RCOR3: variants seen among roughly 807,000 people sequenced by gnomAD.
RCOR3 encodes the protein REST corepressor 3.
A neutral mutation model predicts 64.1 loss-of-function variants in RCOR3; 13 were observed. The observed-to-expected ratio is 0.20, with a 90% CI of 0.13 to 0.32. The LOEUF (loss-of-function observed/expected upper bound fraction) is 0.32. RCOR3 is among the 10% of genes least tolerant of loss of function. The pLI is 1.00. For synonymous variants in RCOR3, 215 were observed against 239.0 expected (o/e 0.90, Z 0.93); for missense variants, 489 against 701.2 (o/e 0.70, Z 3.42).
In RCOR3 at chr1:211,259,439, C is replaced by G; in HGVS notation, c.-122C>G. 3 of 1,023,938 alleles carry G rather than the reference C, an allele frequency of 2.9e-6. No homozygotes were observed. Among genetic ancestry groups the G allele is most frequent in the Non-Finnish European group, 4.2e-6 (3 of 716,846 alleles). The allele number at this position is 1,023,938 out of a possible 1,614,324, so 63.4% of individuals were successfully genotyped here. A position where few individuals can be genotyped will look rare whatever the true frequency, so the allele number is the denominator to read the frequency against. ...GCTCCATATTAACAGCCTCCTCCTC[C>G]TCCGCCGCCGCCGCCGTCTCCTCCT... On this transcript the variant is annotated 5_prime_UTR_variant, in exon 1 of 12. Coordinates refer to ENST00000419091, the MANE Select transcript of RCOR3 (RefSeq NM_001136223.3).
chr1:211,260,037 A>G (rs1236296406), intron 1 of RCOR3, 71 bp from the exon 2 acceptor site: 22 of 1,457,280 alleles, frequency 1.5e-5, no homozygotes, highest in African/African-American at 4.5e-5. Context: ...TTATTTTTTA[A>G]GTGTCTCTTC....
At chr1:211,289,131 C>A (rs1207929411) in intron 7 of RCOR3, 47 bp from the exon 8 acceptor site, 2 of 1,402,516 alleles carry the variant, frequency 1.4e-6, no homozygotes, top group East Asian at 2.3e-5. Context: ...TCACTTTATA[C>A]ATTTGTGAAA....
At chr1:211,304,024 C>T (rs1700631512) in intron 9 of RCOR3, 59 bp from the exon 10 acceptor site, 7 of 1,192,156 alleles carry the variant, frequency 5.9e-6, no homozygotes, top group East Asian at 2.4e-5. Flanking sequence ...AAAAAATAAG[C>T]GCTTTGGAAA....
At position 211,259,610 on chromosome 1, in the gene RCOR3, C is replaced by T. The variant is rs1272453123; in HGVS notation, c.50C>T (p.Ser17Leu). Reference protein sequence around the residue: ...KGPELLGKNRSANGSAKSPAG... With the variant: ...KGPELLGKNRLANGSAKSPAG... Reference sequence around the variant, plus strand: ...CCCGAGTTACTGGGGAAGAACCGATCGGCCAACGGCAGCGCCAAGAGCCCG... The same window carrying T: ...CCCGAGTTACTGGGGAAGAACCGATTGGCCAACGGCAGCGCCAAGAGCCCG... The change falls in exon 1 of 12, where the codon TCG (serine) becomes TTG (leucine). Residue 17 changes from serine (S) to leucine (L), a missense_variant. Coordinates refer to ENST00000419091, the MANE Select transcript of RCOR3 (RefSeq NM_001136223.3). 1.3e-6 allele frequency: 2 copies of T among 1,548,504 alleles called. No homozygotes were observed. The highest frequency in any genetic ancestry group is 8.7e-7 in the Non-Finnish European group (1 of 1,146,108).
chr1:211,295,358 A>C (rs964608596), intron 8 of RCOR3, among the ~76,000 whole-genome samples: 1 of 152,212 alleles, frequency 6.6e-6, no homozygotes, highest in Non-Finnish European at 1.5e-5. Context: ...TCAAAACACT[A>C]TGGTAATGAG....
At chr1:211,265,538 C>G (rs1695047790) in intron 2 of RCOR3, among the ~76,000 whole-genome samples, 1 of 151,986 alleles carries the variant, frequency 6.6e-6, no homozygotes, top group South Asian at 2.1e-4. Context: ...GCCAACATGG[C>G]AAAACCCCAT....
At chr1:211,299,986 C>T (rs1311091848) in intron 9 of RCOR3, among the ~76,000 whole-genome samples, 1 of 151,754 alleles carries the variant, frequency 6.6e-6, no homozygotes, top group African/African-American at 2.4e-5. Flanking sequence ...TTCACTCTTC[C>T]CCCTCTTCTG....
Position 211,259,644 on chromosome 1 carries a change from C to A in RCOR3, c.84C>A (p.Gly28=). 1 of 1,547,112 alleles carries A rather than the reference C, an allele frequency of 6.5e-7. No individual in the cohort carries two copies. The highest frequency in any genetic ancestry group is 8.7e-7 in the Non-Finnish European group (1 of 1,145,382). Residue 28 remains glycine, a synonymous_variant, in exon 1 of 12, where the codon GGC becomes GGA. Coordinates refer to ENST00000419091, the MANE Select transcript of RCOR3 (RefSeq NM_001136223.3). Reference sequence around the variant, plus strand: ...GCAGCGCCAAGAGCCCGGCAGGCGGCGGCGGCAGCGGCGCCTCGTCCACCA... The same window carrying A: ...GCAGCGCCAAGAGCCCGGCAGGCGGAGGCGGCAGCGGCGCCTCGTCCACCA... The part of the protein sequence containing the change: ...ANGSAKSPAG[G]GGSGASSTNG...
At chr1:211,298,542 A>C (rs990206678) in intron 9 of RCOR3, among the ~76,000 whole-genome samples, 1 of 152,224 alleles carries the variant, frequency 6.6e-6, no homozygotes, top group Non-Finnish European at 1.5e-5. Flanking sequence ...TGAGGATTCC[A>C]TGGAAATGTA....
At chr1:211,278,039 A>G in intron 5 of RCOR3, 78 bp from the exon 6 acceptor site, 2 of 1,305,366 alleles carry the variant, frequency 1.5e-6, no homozygotes, top group Non-Finnish European at 2.1e-6. Context: ...TGCCTTTACT[A>G]AATAGTAAAG....
intron 2 of RCOR3, among the ~76,000 whole-genome samples, chr1:211,268,336 T>C (rs1695543883): frequency 6.6e-6 from 1 of 151,662 alleles, no homozygotes; most frequent in Admixed American, 6.6e-5. Context: ...AATATTGAAG[T>C]TTTAAAAAGA....
intron 2 of RCOR3, among the ~76,000 whole-genome samples, chr1:211,263,636 A>G (rs1439918697): frequency 1.3e-5 from 2 of 152,284 alleles, no homozygotes; most frequent in Non-Finnish European, 2.9e-5. Flanking sequence ...GTAGATTATT[A>G]GTTATTGGGC....
chr1:211,268,448 C>T (rs1695599429), intron 2 of RCOR3, among the ~76,000 whole-genome samples: 1 of 132,596 alleles, frequency 7.5e-6, no homozygotes, highest in African/African-American at 2.8e-5. Flanking sequence ...GGTGTGATCT[C>T]GGCTCACCGC....
At position 211,260,190 on chromosome 1, in the gene RCOR3, CTCATATCCCCT is replaced by C. The variant is rs766236446; in HGVS notation, c.223+28_223+38del. ...GTAGATATATTTGCTTAAGCAAAATCTCATATCCCCTTTCCTGGGCTTGGTTTGGGGTGGAC... is the reference window on the plus strand; with the variant it reads ...GTAGATATATTTGCTTAAGCAAAATCTTCCTGGGCTTGGTTTGGGGTGGAC... On this transcript the variant is annotated intron_variant, in intron 2 of 11. Transcript: ENST00000419091. The C allele has an allele frequency of 1.4e-5, 23 of 1,603,582 alleles. No homozygotes were observed. In the African/African-American group the frequency reaches 2.9e-4, roughly 21 times the overall value.
chr1:211,266,369 A>G (rs987834687), intron 2 of RCOR3, among the ~76,000 whole-genome samples: 1 of 152,110 alleles, frequency 6.6e-6, no homozygotes, highest in African/African-American at 2.4e-5. Context: ...TTATCGAATT[A>G]TATTTTCCTT....
chr1:211,299,676 G>A (rs745823697), intron 9 of RCOR3, among the ~76,000 whole-genome samples: 8 of 152,240 alleles, frequency 5.3e-5, no homozygotes, highest in South Asian at 4.1e-4. Context: ...TTCACTAAGC[G>A]TGTCATAGAT....
In RCOR3 at chr1:211,273,946, C is replaced by A. The variant is rs372149596; in HGVS notation, c.302-264C>A. 5.1e-4 allele frequency among the ~76,000 whole-genome samples: 78 copies of A among 152,146 alleles called. No individual in the cohort carries two copies. The East Asian group carries it at 0.012, about 23-fold the overall frequency. On this transcript the variant is annotated intron_variant, in intron 3 of 11. Coordinates refer to ENST00000419091, the MANE Select transcript of RCOR3 (RefSeq NM_001136223.3). ...CCATAGATTGGTCTTTTTCTGCATA[C>A]AAAAATACAGTAATGTCATTGAATT... is the stretch of plus-strand genomic sequence containing the variant.
At chr1:211,261,326 C>T (rs1337348254) in intron 2 of RCOR3, 1 of 152,216 alleles carries the variant, frequency 6.6e-6, no homozygotes, top group Non-Finnish European at 1.5e-5. Flanking sequence ...GATAGCAGCT[C>T]TTCCTCCTGT....
chr1:211,312,254 A>C lies in RCOR3; in HGVS notation c.1076-466A>C, dbSNP rs911560515. ...GACCAAAATTATAATGCTTTTCTTAATGGGGGAACCCTAAGGCTACTCACT... is the reference window on the plus strand; with the variant it reads ...GACCAAAATTATAATGCTTTTCTTACTGGGGGAACCCTAAGGCTACTCACT... On this transcript the variant is annotated intron_variant, in intron 10 of 11. Transcript: ENST00000419091. The surrounding 1 kb of genome is among the most constrained non-coding windows in gnomAD (Gnocchi z 5.0). The C allele has an allele frequency of 5.6e-6, 2 of 358,738 alleles. No homozygotes were observed. Among genetic ancestry groups the C allele is most frequent in the Non-Finnish European group, 1.2e-5 (2 of 167,158 alleles). The allele number at this position is 358,738 out of a possible 1,614,324, so 22.2% of individuals were successfully genotyped here. A position where few individuals can be genotyped will look rare whatever the true frequency, so the allele number is the denominator to read the frequency against.
Sources: gnomAD v4.1 joint callset for allele counts (sites outside exome capture counted in the v4.1 genomes callset) on GRCh38, gnomAD v4.1.1 for gene constraint, Gnocchi (gnomAD v3.1) non-coding constraint, MANE v1.5 for transcripts, NCBI Gene and HGNC (gene_info 2026-07-23, HGNC 2026-07-21) for gene names.